Variants in ERBB4 observed in about 807,000 individuals in gnomAD.
ERBB4 encodes receptor tyrosine-protein kinase erbB-4.
A neutral mutation model predicts 158.0 loss-of-function variants in ERBB4; 42 were observed. The observed-to-expected ratio is 0.27, with a 90% CI of 0.21 to 0.34. The LOEUF (loss-of-function observed/expected upper bound fraction) is 0.34, where lower values mean the gene tolerates loss of function less well. Ranked by LOEUF, ERBB4 falls within the 10% of genes least tolerant of loss-of-function variation. The pLI is 1.00. For synonymous variants in ERBB4, 583 were observed against 558.7 expected (o/e 1.04, Z -0.61); for missense variants, 1,333 against 1,624.1 (o/e 0.82, Z 3.08).
chr2:211,916,484 T>C (rs2079695427), intron 3 of ERBB4, among the ~76,000 whole-genome samples: 1 of 152,120 alleles, frequency 6.6e-6, no homozygotes, highest in Non-Finnish European at 1.5e-5. Flanking sequence ...CATTTCTAAG[T>C]AGTGAGATTC....
At chr2:211,388,572 G>GTT (rs1239077368) in intron 25 of ERBB4, among the ~76,000 whole-genome samples, 2 of 137,488 alleles carry the variant, frequency 1.5e-5, no homozygotes, top group Non-Finnish European at 3.2e-5. Flanking sequence ...CATTTTTTTT[G>GTT]TTTTTTTTTT....
At position 212,057,133 on chromosome 2, in the gene ERBB4, GTC is replaced by G. The variant is rs1314215220; in HGVS notation, c.234+67617_234+67618del. ...AAAAAAGGCAGCGGTTGCAATCCTA[GTC>G]TCTGATAAAACAGACTTTAAACCAG... On this transcript the variant is annotated intron_variant, in intron 2 of 27. Coordinates refer to ENST00000342788, the MANE Select transcript of ERBB4 (RefSeq NM_005235.3). Among the ~76,000 whole-genome samples the G allele has an allele frequency of 4.6e-5, 7 of 152,264 alleles. No homozygotes were observed. The South Asian group carries it at 1.5e-3, about 32-fold the overall frequency.
intron 20 of ERBB4, chr2:211,535,583 G>GT (rs2066624396): frequency 7.5e-6 from 1 of 132,470 alleles, no homozygotes; most frequent in African/African-American, 3.2e-5. Flanking sequence ...GAGAGAGAGA[G>GT]AGTGTATGTG....
chr2:211,378,852 C>T lies in ERBB4; in HGVS notation c.*4763G>A, dbSNP rs2062525989. The T allele has an allele frequency of 4.4e-6, 1 of 226,738 alleles. No homozygotes were observed. Among genetic ancestry groups the T allele is most frequent in the African/African-American group, 2.3e-5 (1 of 44,330 alleles). 14.0% of individuals were successfully genotyped at this position (226,738 alleles called of 1,614,324 possible). ...CAGAGGCACAGTAAGATCCTCTGCC[C>T]ACAGTATATACAGTAGAAGTTAATT... On this transcript the variant is annotated 3_prime_UTR_variant, in exon 28 of 28. Coordinates refer to ENST00000342788, the MANE Select transcript of ERBB4 (RefSeq NM_005235.3).
chr2:211,731,415 T>G (rs968830067), intron 5 of ERBB4, among the ~76,000 whole-genome samples: 1 of 152,148 alleles, frequency 6.6e-6, no homozygotes, highest in African/African-American at 2.4e-5. Context: ...TCCAGTTACA[T>G]ACTTGGAGGT....
chr2:212,311,898 A>G (rs1239018186), intron 1 of ERBB4, among the ~76,000 whole-genome samples: 3 of 151,022 alleles, frequency 2.0e-5, no homozygotes, highest in Non-Finnish European at 4.5e-5. Flanking sequence ...AAACATAAAG[A>G]CACATAAACT....
intron 3 of ERBB4, among the ~76,000 whole-genome samples, chr2:211,874,436 G>A (rs568392805): frequency 1.3e-5 from 2 of 152,072 alleles, no homozygotes; most frequent in South Asian, 4.2e-4. Context: ...TTTAAATTAA[G>A]TCTTCATATT....
At chr2:211,738,378 T>G (rs199786873) in intron 5 of ERBB4, among the ~76,000 whole-genome samples, 5,807 of 149,450 alleles carry the variant, frequency 0.039, 355 homozygotes, top group East Asian at 0.2. Context: ...TTTTTTTTTT[T>G]TTTTTTTTGA....
chr2:211,478,423 G>A (rs1049814172), intron 20 of ERBB4, among the ~76,000 whole-genome samples: 2 of 152,078 alleles, frequency 1.3e-5, no homozygotes, highest in East Asian at 1.9e-4. Flanking sequence ...ACCTAAAATC[G>A]TGTGTGTTCA....
chr2:212,421,043 A>G (rs1190058547), intron 1 of ERBB4, among the ~76,000 whole-genome samples: 1 of 152,120 alleles, frequency 6.6e-6, no homozygotes, highest in East Asian at 1.9e-4. Flanking sequence ...ATTTGTCTCC[A>G]GTTTGTGGTG....
chr2:211,624,397 T>A (rs1368517207), intron 17 of ERBB4, among the ~76,000 whole-genome samples: 2 of 151,954 alleles, frequency 1.3e-5, no homozygotes, highest in Non-Finnish European at 2.9e-5. Flanking sequence ...GACAAATGTG[T>A]CAGAGGAGAG....
chr2:212,337,563 G>A (rs2088502289), intron 1 of ERBB4, among the ~76,000 whole-genome samples: 1 of 151,974 alleles, frequency 6.6e-6, no homozygotes, highest in Admixed American at 6.6e-5. Context: ...ATCACCAGGG[G>A]GCTTATTAAA....
At chr2:211,673,353 A>T (rs2071919495) in intron 13 of ERBB4, 96 bp from the exon 14 acceptor site, 2 of 868,982 alleles carry the variant, frequency 2.3e-6, no homozygotes, top group African/African-American at 3.3e-5. Flanking sequence ...GGCAGAGTAA[A>T]TTCTAAAGTT....
intron 5 of ERBB4, among the ~76,000 whole-genome samples, chr2:211,748,569 T>A (rs546593829): frequency 2.0e-5 from 3 of 152,164 alleles, no homozygotes; most frequent in Non-Finnish European, 4.4e-5. Context: ...CCCTCAGATC[T>A]ATGGTGAGTC....
rs1469968699 is a variant in ERBB4 at position 211,946,576 on chromosome 2, C to CTCTTTT, written c.421+853_421+854insAAAAGA. On this transcript the variant is annotated intron_variant, in intron 3 of 27. Coordinates refer to ENST00000342788, the MANE Select transcript of ERBB4 (RefSeq NM_005235.3). ...TACTAATTATTTACTAATTAGCTCTCTTTTTTTTTTTTTTTTTTTTTTTTT... is the reference window on the plus strand; with the variant it reads ...TACTAATTATTTACTAATTAGCTCTCTCTTTTTTTTTTTTTTTTTTTTTTTTTTTTT... Among the ~76,000 whole-genome samples, 63 of 49,586 alleles carry CTCTTTT rather than the reference C, an allele frequency of 1.3e-3. No individual in the cohort carries two copies. The East Asian group carries it at 0.013, about 10-fold the overall frequency. The allele number at this position is 49,586 out of a possible 152,430, so 32.5% of individuals were successfully genotyped here. A position where few individuals can be genotyped will look rare whatever the true frequency, so the allele number is the denominator to read the frequency against.
At chr2:212,394,057 C>A (rs2090955496) in intron 1 of ERBB4, among the ~76,000 whole-genome samples, 1 of 152,102 alleles carries the variant, frequency 6.6e-6, no homozygotes, top group African/African-American at 2.4e-5. Flanking sequence ...TCTAATGCCA[C>A]TGGATCTGCC....
chr2:212,347,562 T>C (rs1283415558), intron 1 of ERBB4, among the ~76,000 whole-genome samples: 1 of 152,140 alleles, frequency 6.6e-6, no homozygotes, highest in Non-Finnish European at 1.5e-5. Flanking sequence ...AGGTTGAGCA[T>C]CCCTTATTCA....
intron 1 of ERBB4, among the ~76,000 whole-genome samples, chr2:212,468,363 C>T (rs898513980): frequency 2.6e-4 from 39 of 152,138 alleles, no homozygotes; most frequent in African/African-American, 8.9e-4. Flanking sequence ...TTCCCATGCA[C>T]TGTGGGAGGG....
intron 1 of ERBB4, among the ~76,000 whole-genome samples, chr2:212,511,096 A>G (rs1691493365): frequency 6.6e-6 from 1 of 152,172 alleles, no homozygotes. Context: ...AAAAGTTAAT[A>G]TTCTTTCTCT....
Sources: allele counts gnomAD v4.1 joint callset (sites outside exome capture counted in the v4.1 genomes callset), GRCh38; gene constraint gnomAD v4.1.1; transcripts MANE v1.5; gene names NCBI Gene and HGNC (gene_info 2026-07-23, HGNC 2026-07-21).